The following CCDC102B variants were observed in gnomAD, a reference collection of about 807,000 sequenced individuals.
CCDC102B encodes coiled-coil domain-containing protein 102B.
In CCDC102B, 75 loss-of-function variants were observed where a neutral mutation model predicts 57.4. That is an observed-to-expected ratio of 1.31 (90% CI 1.08 to 1.58). The LOEUF is 1.58. Among genes scored for constraint, CCDC102B ranks in the 40% most tolerant of loss-of-function variants. The probability of loss-of-function intolerance (pLI) is 0.00; values close to 1 mark genes in which losing one functional copy is unlikely to be tolerated. For synonymous variants in CCDC102B, 206 were observed against 201.9 expected, an observed-to-expected ratio of 1.02 and a Z score of -0.17; for missense variants, 636 against 582.6, an observed-to-expected ratio of 1.09 and a Z score of -0.94.
intron 6 of CCDC102B, among the ~76,000 whole-genome samples, chr18:68,909,116 G>A (rs2040746463): frequency 8.5e-6 from 1 of 116,964 alleles, no homozygotes; most frequent in Admixed American, 8.3e-5. Flanking sequence ...AATGACAGAT[G>A]AAACACAGAA....
At chr18:68,796,440 G>A (rs2035630598), upstream of CCDC102B, among the ~76,000 whole-genome samples, 1 of 152,098 alleles carries the variant, frequency 6.6e-6, no homozygotes, top group Admixed American at 6.6e-5. Context: ...TAATTTTCTA[G>A]TTGAGGGGTA....
At chr18:68,745,679 A>C (rs1370419627) in intron 2 of CCDC102B, among the ~76,000 whole-genome samples, 1 of 152,152 alleles carries the variant, frequency 6.6e-6, no homozygotes, top group East Asian at 1.9e-4. Flanking sequence ...AAACACAAGA[A>C]CTTATTTCTT....
At position 69,054,906 on chromosome 18, in the gene CCDC102B, T is replaced by C; in HGVS notation, c.*769T>C. The C allele has an allele frequency of 1.0e-6, 1 of 985,344 alleles. No homozygotes were observed. Among genetic ancestry groups the C allele is most frequent in the Non-Finnish European group, 1.2e-6 (1 of 829,890 alleles). The allele number at this position is 985,344 out of a possible 1,614,324, so 61.0% of individuals were successfully genotyped here. ...GTGGTTTCCCTCTGAGTAGTGGGAA[T>C]AGAGAAAATTAGGAAATTGTGGTTA... is the stretch of plus-strand genomic sequence containing the variant. On this transcript the variant is annotated 3_prime_UTR_variant, in exon 8 of 8. Coordinates refer to ENST00000360242, the MANE Select transcript of CCDC102B (RefSeq NM_024781.3).
In CCDC102B at chr18:68,874,721, A is replaced by G; in HGVS notation, c.989A>G (p.Asn330Ser). 4.3e-6 allele frequency: 7 copies of G among 1,612,474 alleles called. No homozygotes were observed. Among genetic ancestry groups the G allele is most frequent in the Non-Finnish European group, 5.9e-6 (7 of 1,178,866 alleles). The stretch of plus-strand genomic sequence containing the variant: ...GATGAAATGCAAGAACTGTCAGGCA[A>G]TATAAAGGAAGAATCCAAATCTCAA... Reference protein sequence around the residue: ...HNDEMQELSGNIKEESKSQNS... With the variant: ...HNDEMQELSGSIKEESKSQNS... Residue 330 changes from asparagine to serine, a missense_variant, in exon 5 of 8, where the codon AAT becomes AGT. Asn to Ser is a conservative substitution (Grantham distance 46). Coordinates refer to ENST00000360242, the MANE Select transcript of CCDC102B (RefSeq NM_024781.3).
chr18:69,022,937 T>C (rs1439538643), intron 7 of CCDC102B, among the ~76,000 whole-genome samples: 3 of 150,898 alleles, frequency 2.0e-5, no homozygotes, highest in East Asian at 1.9e-4. Flanking sequence ...GTAAAGTAGA[T>C]TACATCGACA....
intron 6 of CCDC102B, among the ~76,000 whole-genome samples, chr18:68,916,205 G>T (rs1022701472): frequency 6.6e-6 from 1 of 152,198 alleles, no homozygotes; most frequent in African/African-American, 2.4e-5. Flanking sequence ...ATATGTAATA[G>T]AAGGAATTTG....
intron 5 of CCDC102B, among the ~76,000 whole-genome samples, chr18:68,886,811 G>T (rs543461625): frequency 1.3e-5 from 2 of 150,944 alleles, no homozygotes; most frequent in South Asian, 2.1e-4. Flanking sequence ...CCCAATGCTG[G>T]TGTTTATTCC....
At chr18:68,836,677 A>C (rs1346793123) in intron 1 of CCDC102B, 72 bp from the exon 2 acceptor site, 2 of 848,612 alleles carry the variant, frequency 2.4e-6, no homozygotes, top group East Asian at 6.0e-5. Flanking sequence ...AAAAAAAAAA[A>C]AAGTGTAGGT....
chr18:68,745,317 CT>C (rs774689221), intron 2 of CCDC102B, among the ~76,000 whole-genome samples: 17 of 151,948 alleles, frequency 1.1e-4, no homozygotes, highest in Non-Finnish European at 2.2e-4. Flanking sequence ...GTTGCAGTGT[CT>C]TCTGTGACTA....
intron 2 of CCDC102B, among the ~76,000 whole-genome samples, chr18:68,730,959 T>G (rs1357935361): frequency 6.6e-6 from 1 of 152,196 alleles, no homozygotes. Flanking sequence ...CTGGTCATTA[T>G]GGATTTAAGA....
chr18:68,983,945 T>A (rs936232076), intron 6 of CCDC102B, among the ~76,000 whole-genome samples: 1 of 151,882 alleles, frequency 6.6e-6, no homozygotes, highest in Non-Finnish European at 1.5e-5. Context: ...AAAACCAATA[T>A]AACATTTTTT....
At chr18:68,979,685 A>T (rs2050527415) in intron 6 of CCDC102B, among the ~76,000 whole-genome samples, 1 of 152,194 alleles carries the variant, frequency 6.6e-6, no homozygotes, top group Admixed American at 6.6e-5. Flanking sequence ...AATGTCTAAG[A>T]CATTTGCAAA....
chr18:68,966,957 AGG>A (rs2050180468), intron 6 of CCDC102B, among the ~76,000 whole-genome samples: 1 of 152,142 alleles, frequency 6.6e-6, no homozygotes, highest in South Asian at 2.1e-4. Flanking sequence ...TTTGTTCAGT[AGG>A]GGAGGTAGGA....
At chr18:68,750,734 G>A (rs1056373648) in intron 2 of CCDC102B, among the ~76,000 whole-genome samples, 10 of 148,468 alleles carry the variant, frequency 6.7e-5, no homozygotes, top group African/African-American at 2.0e-4. Flanking sequence ...TCACTCATAG[G>A]TGGGAATTGA....
chr18:68,870,145 C>G (rs561853243), intron 4 of CCDC102B, among the ~76,000 whole-genome samples: 2 of 152,020 alleles, frequency 1.3e-5, no homozygotes, highest in African/African-American at 4.8e-5. Flanking sequence ...ACTTGAACAA[C>G]GAGAACACAT....
At chr18:68,934,658 C>T (rs2078653628) in intron 6 of CCDC102B, among the ~76,000 whole-genome samples, 1 of 151,780 alleles carries the variant, frequency 6.6e-6, no homozygotes, top group Non-Finnish European at 1.5e-5. Flanking sequence ...GAGGGAAAAA[C>T]TGTAAAAAAA....
At chr18:68,890,870 A>AT (rs2040050653) in intron 5 of CCDC102B, among the ~76,000 whole-genome samples, 2 of 151,938 alleles carry the variant, frequency 1.3e-5, no homozygotes, top group African/African-American at 2.4e-5. Context: ...CATTTGTTTC[A>AT]TTTTTTTCTA....
intron 5 of CCDC102B, among the ~76,000 whole-genome samples, chr18:68,886,803 C>G (rs1373078545): frequency 1.3e-5 from 2 of 151,732 alleles, no homozygotes; most frequent in African/African-American, 4.8e-5. Context: ...CAATGTACCC[C>G]AATGCTGGTG....
chr18:68,794,089 A>G (rs2035551918), upstream of CCDC102B, among the ~76,000 whole-genome samples: 1 of 152,188 alleles, frequency 6.6e-6, no homozygotes, highest in Non-Finnish European at 1.5e-5. Context: ...AAATAAGGAC[A>G]TAGGAGAAAC....
Sources: allele counts gnomAD v4.1 joint callset (sites outside exome capture counted in the v4.1 genomes callset), GRCh38; gene constraint gnomAD v4.1.1; transcripts MANE v1.5; gene names NCBI Gene and HGNC (gene_info 2026-07-23, HGNC 2026-07-21).